Variants in OTUD7A observed in about 807,000 individuals in gnomAD.
OTUD7A encodes the protein OTU domain-containing protein 7A.
Under a neutral mutation model 65.7 loss-of-function variants are expected in OTUD7A, and 12 were observed. The ratio of observed to expected loss-of-function variants is 0.18; its 90% CI spans 0.12 to 0.30. The LOEUF is 0.30. Ranked by LOEUF, OTUD7A falls within the 10% of genes least tolerant of loss-of-function variation. The pLI is 1.00. For missense variants in OTUD7A, 1,148 were observed against 1,304.8 expected, an observed-to-expected ratio of 0.88 and a Z score of 1.85; for synonymous variants, 641 against 586.3, an observed-to-expected ratio of 1.09 and a Z score of -1.35.
chr15:31,542,658 C>T (rs548464904), intron 5 of OTUD7A, among the ~76,000 whole-genome samples: 2 of 151,780 alleles, frequency 1.3e-5, no homozygotes, highest in African/African-American at 4.8e-5. Flanking sequence ...ATTCTAAGAA[C>T]AATAAAATTA....
rs938983849 is a variant in OTUD7A at position 31,657,049 on chromosome 15, G to A, written c.-71C>T. On this transcript the variant is annotated 5_prime_UTR_variant, in exon 2 of 13. Coordinates refer to ENST00000307050, the MANE Select transcript of OTUD7A (RefSeq NM_001382637.1). ...CTCTCCATGCACTGGGGCCTCGGCC[G>A]GGAGAGTCTCTTCTTTCGTCACTGC... is the stretch of plus-strand genomic sequence containing the variant. 1.3e-5 allele frequency: 2 copies of A among 152,646 alleles called. No homozygotes were observed. The highest frequency in any genetic ancestry group is 2.9e-5 in the Non-Finnish European group (2 of 68,050). 9.5% of individuals were successfully genotyped at this position (152,646 alleles called of 1,614,324 possible).
intron 1 of OTUD7A, among the ~76,000 whole-genome samples, chr15:31,825,786 T>C (rs117611307): frequency 0.014 from 2,171 of 152,240 alleles, 34 homozygotes; most frequent in Middle Eastern, 0.037. Flanking sequence ...GTACAGACAT[T>C]GGGTAAATAC....
chr15:31,622,925 C>T (rs1186253475), intron 3 of OTUD7A, among the ~76,000 whole-genome samples: 10 of 152,180 alleles, frequency 6.6e-5, no homozygotes, highest in East Asian at 1.9e-4. Context: ...ATGATGGTGA[C>T]GTACAGATGG....
rs772574742 is a variant in OTUD7A at position 31,808,136 on chromosome 15, C to CACACACACACAAA, written c.-100+62370_-100+62371insTTTGTGTGTGTGT. Among the ~76,000 whole-genome samples, 50 of 119,510 alleles carry CACACACACACAAA rather than the reference C, an allele frequency of 4.2e-4. No homozygotes were observed. The East Asian group carries it at 6.6e-3, about 16-fold the overall frequency. The allele number at this position is 119,510 out of a possible 152,430, so 78.4% of individuals were successfully genotyped here. A position where few individuals can be genotyped will look rare whatever the true frequency, so the allele number is the denominator to read the frequency against. ...ACACACACACACACACACACACACA[C>CACACACACACAAA]AAACAAATCCTCACCAGGTTTTTCC... is the stretch of plus-strand genomic sequence containing the variant. On this transcript the variant is annotated intron_variant, in intron 1 of 12. Coordinates refer to ENST00000307050, the MANE Select transcript of OTUD7A (RefSeq NM_001382637.1).
At chr15:31,513,416 C>A (rs762895909) in intron 8 of OTUD7A, among the ~76,000 whole-genome samples, 4 of 152,200 alleles carry the variant, frequency 2.6e-5, no homozygotes, top group Non-Finnish European at 5.9e-5. Flanking sequence ...CCAGACCCCA[C>A]GTGTGTGTGC....
chr15:31,631,073 T>C (rs1489875243), intron 3 of OTUD7A, among the ~76,000 whole-genome samples: 2 of 152,246 alleles, frequency 1.3e-5, no homozygotes, highest in Non-Finnish European at 2.9e-5. Flanking sequence ...AATTGGAGCA[T>C]TTAGCCCACT....
chr15:31,554,276 C>G (rs560908201), intron 5 of OTUD7A, among the ~76,000 whole-genome samples: 26 of 152,202 alleles, frequency 1.7e-4, no homozygotes, highest in Admixed American at 1.0e-3. Context: ...TCCCTGAGGG[C>G]AGGGGTTTCA....
At chr15:31,680,794 A>G (rs1182161530) in intron 1 of OTUD7A, among the ~76,000 whole-genome samples, 2 of 152,158 alleles carry the variant, frequency 1.3e-5, no homozygotes, top group African/African-American at 4.8e-5. Context: ...TAGCAGCTGA[A>G]GTGATGTGGG....
intron 3 of OTUD7A, among the ~76,000 whole-genome samples, chr15:31,588,735 C>T (rs919394765): frequency 1.3e-5 from 2 of 152,202 alleles, no homozygotes; most frequent in Admixed American, 6.5e-5. Flanking sequence ...ATCCAGGTAC[C>T]ATCTTCCACA....
intron 1 of OTUD7A, among the ~76,000 whole-genome samples, chr15:31,769,246 T>C (rs1895168328): frequency 3.3e-5 from 5 of 152,298 alleles, no homozygotes; most frequent in African/African-American, 1.2e-4. Context: ...TCAGATACAG[T>C]AGACTAGAAC....
At chr15:31,611,700 G>T (rs1318182259) in intron 3 of OTUD7A, among the ~76,000 whole-genome samples, 2 of 152,142 alleles carry the variant, frequency 1.3e-5, no homozygotes, top group African/African-American at 2.4e-5. Context: ...GGACCAGACG[G>T]ATTCACAGCA....
At chr15:31,800,539 C>A (rs1036642175) in intron 1 of OTUD7A, among the ~76,000 whole-genome samples, 2 of 152,148 alleles carry the variant, frequency 1.3e-5, no homozygotes, top group African/African-American at 4.8e-5. Flanking sequence ...GGAGAGCCAA[C>A]CTACCCAATG....
intron 1 of OTUD7A, among the ~76,000 whole-genome samples, chr15:31,820,111 T>C (rs1433867018): frequency 2.0e-5 from 3 of 152,152 alleles, no homozygotes; most frequent in African/African-American, 7.2e-5. Flanking sequence ...CACTTAATAC[T>C]TCATATCACA....
At chr15:31,813,119 T>C (rs1242258551) in intron 1 of OTUD7A, among the ~76,000 whole-genome samples, 2 of 152,196 alleles carry the variant, frequency 1.3e-5, no homozygotes, top group Non-Finnish European at 1.5e-5. Flanking sequence ...GCTGGTAGCA[T>C]GTGCTCAATA....
At chr15:31,506,595 A>G (rs1362454184) in intron 8 of OTUD7A, among the ~76,000 whole-genome samples, 1 of 152,222 alleles carries the variant, frequency 6.6e-6, no homozygotes, top group Non-Finnish European at 1.5e-5. Flanking sequence ...ACTGTTTCAA[A>G]TATTTGGCAC....
chr15:31,544,243 A>G (rs1189046887), intron 5 of OTUD7A, among the ~76,000 whole-genome samples: 1 of 151,848 alleles, frequency 6.6e-6, no homozygotes, highest in Non-Finnish European at 1.5e-5. Context: ...AATAGTATGG[A>G]GAAAAAAATT....
chr15:31,808,411 G>A (rs1357760153), intron 1 of OTUD7A, among the ~76,000 whole-genome samples: 4 of 152,076 alleles, frequency 2.6e-5, no homozygotes, highest in Non-Finnish European at 5.9e-5. Flanking sequence ...AGCATGAGCC[G>A]CGACAAGCTT....
intron 1 of OTUD7A, among the ~76,000 whole-genome samples, chr15:31,790,895 T>C (rs1253796183): frequency 6.6e-6 from 1 of 152,186 alleles, no homozygotes; most frequent in African/African-American, 2.4e-5. Context: ...CAGGTTAGGA[T>C]GAGAACTTGA....
chr15:31,755,337 G>A (rs1894781347), intron 1 of OTUD7A, among the ~76,000 whole-genome samples: 1 of 152,172 alleles, frequency 6.6e-6, no homozygotes, highest in South Asian at 2.1e-4. Flanking sequence ...GCTACAGGGT[G>A]AGAACTCTCA....
Sources: gnomAD v4.1 joint callset for allele counts (sites outside exome capture counted in the v4.1 genomes callset) on GRCh38, gnomAD v4.1.1 for gene constraint, MANE v1.5 for transcripts, NCBI Gene and HGNC (gene_info 2026-07-23, HGNC 2026-07-21) for gene names.